SDK1: variants seen among roughly 807,000 people sequenced by gnomAD.
The protein encoded by SDK1 is protein sidekick-1.
Under a neutral mutation model 245.5 loss-of-function variants are expected in SDK1, and 157 were observed. That is an observed-to-expected ratio of 0.64 (90% CI 0.56 to 0.73). SDK1 has a LOEUF of 0.73. Among genes scored for constraint, SDK1 ranks in the 30% least tolerant of loss-of-function variants. The pLI, the probability that SDK1 is intolerant of heterozygous loss-of-function variation, is 0.00. For missense variants in SDK1, 3,583 were observed against 3,002.3 expected (o/e 1.19, Z -4.52); for synonymous variants, 1,647 against 1,278.5 (o/e 1.29, Z -6.15).
rs1562415871 is a variant in SDK1, at chr7:4,194,347, G to GTATGCACGTATGTGTATACATGTATAC, written c.5099-11532_5099-11531insTATGCACGTATGTGTATACATGTATAC. ...ATGCACGTATGTGTATACATGTATA[G>GTATGCACGTATGTGTATACATGTATAC]ATATATGTATGCACGTATGTGTATA... On this transcript the variant is annotated intron_variant, in intron 35 of 44. Transcript: ENST00000404826. Among the ~76,000 whole-genome samples the GTATGCACGTATGTGTATACATGTATAC allele has an allele frequency of 5.0e-3, 526 of 105,176 alleles. 84 individuals carry two copies. The highest frequency in any genetic ancestry group is 0.022 in the African/African-American group (483 of 22,218). The allele number at this position is 105,176 out of a possible 152,430, so 69.0% of individuals were successfully genotyped here.
chr7:3,301,568 G>C lies in SDK1; in HGVS notation c.-19G>C. 1.1e-6 allele frequency: 1 copy of C among 919,900 alleles called. No individual in the cohort carries two copies. Among genetic ancestry groups the C allele is most frequent in the Non-Finnish European group, 1.3e-6 (1 of 774,016 alleles). The allele number at this position is 919,900 out of a possible 1,614,324, so 57.0% of individuals were successfully genotyped here. On this transcript the variant is annotated 5_prime_UTR_variant, in exon 1 of 45. Transcript: ENST00000404826. ...CGCCCGTCCGTCCGGCGCGGCGCTC[G>C]GGGTGGCGGCTGCTCGGCATGGCCC...
At chr7:3,373,933 ATAAAACTT>A (rs1781290646) in intron 1 of SDK1, among the ~76,000 whole-genome samples, 1 of 152,242 alleles carries the variant, frequency 6.6e-6, no homozygotes, top group South Asian at 2.1e-4. Context: ...GAAGAAAACC[ATAAAACTT>A]TAAAGAGGAT....
chr7:3,687,499 G>A (rs779729325), intron 4 of SDK1, among the ~76,000 whole-genome samples: 1 of 152,258 alleles, frequency 6.6e-6, no homozygotes, highest in African/African-American at 2.4e-5. Context: ...AACAGATATC[G>A]AACCGCAGTC....
intron 5 of SDK1, among the ~76,000 whole-genome samples, chr7:3,944,919 A>G (rs1780514809): frequency 6.6e-6 from 1 of 152,202 alleles, no homozygotes; most frequent in Admixed American, 6.5e-5. Flanking sequence ...GGGGCTGGTT[A>G]TGACAGAGAG....
intron 1 of SDK1, among the ~76,000 whole-genome samples, chr7:3,319,867 C>T (rs180959861): frequency 1.6e-3 from 121 of 74,716 alleles, no homozygotes; most frequent in African/African-American, 6.9e-3. Context: ...TATATCTAAC[C>T]CATTCTTAGT....
rs183586655 is a variant in SDK1 at position 3,556,417 on chromosome 7, G to A, written c.299-62663G>A. 1.1e-3 allele frequency among the ~76,000 whole-genome samples: 168 copies of A among 152,136 alleles called. 2 individuals carry two copies. The highest frequency in any genetic ancestry group is 4.0e-3 in the African/African-American group (164 of 41,512). ...CCTGAGGCTGGAAAAGGTTGGTGGG[G>A]GTGCAGCAAGTAGGGATGGTTAATG... On this transcript the variant is annotated intron_variant, in intron 1 of 44. Transcript: ENST00000404826.
At chr7:4,094,391 G>T (rs566307985) in intron 22 of SDK1, among the ~76,000 whole-genome samples, 1 of 152,312 alleles carries the variant, frequency 6.6e-6, no homozygotes, top group East Asian at 1.9e-4. Flanking sequence ...CAAATGGATT[G>T]CCCTGGAATT....
chr7:3,655,113 T>G (rs746656349), intron 4 of SDK1, among the ~76,000 whole-genome samples: 1 of 149,180 alleles, frequency 6.7e-6, no homozygotes. Flanking sequence ...ATGATCACAA[T>G]CAAGAGGCAT....
At chr7:3,356,388 C>T (rs929178700) in intron 1 of SDK1, among the ~76,000 whole-genome samples, 4 of 152,072 alleles carry the variant, frequency 2.6e-5, no homozygotes, top group East Asian at 1.9e-4. Flanking sequence ...CGGAAGCCCT[C>T]GTGTTTGTTA....
At chr7:4,050,077 C>G (rs1434146533) in intron 18 of SDK1, among the ~76,000 whole-genome samples, 1 of 152,186 alleles carries the variant, frequency 6.6e-6, no homozygotes, top group Admixed American at 6.5e-5. Flanking sequence ...ATCAGCTTCT[C>G]CTGATTGGAT....
intron 4 of SDK1, among the ~76,000 whole-genome samples, chr7:3,704,894 T>A (rs965322910): frequency 4.6e-5 from 7 of 152,206 alleles, no homozygotes; most frequent in Non-Finnish European, 7.4e-5. Flanking sequence ...TCAGTTTCAT[T>A]CTTCTACATG....
intron 4 of SDK1, among the ~76,000 whole-genome samples, chr7:3,763,212 T>C (rs1780158118): frequency 6.6e-6 from 1 of 152,212 alleles, no homozygotes; most frequent in Admixed American, 6.5e-5. Context: ...CAAATAAGCA[T>C]AGTCTTATTT....
intron 28 of SDK1, among the ~76,000 whole-genome samples, chr7:4,143,967 G>A (rs543101565): frequency 6.0e-4 from 92 of 152,270 alleles, no homozygotes; most frequent in African/African-American, 2.1e-3. Context: ...TCTCCTCACC[G>A]TCAGAGTGCG....
intron 4 of SDK1, among the ~76,000 whole-genome samples, chr7:3,711,378 A>C (rs1187077198): frequency 1.3e-5 from 2 of 152,184 alleles, no homozygotes; most frequent in African/African-American, 4.8e-5. Flanking sequence ...TGACCTCGTA[A>C]AATTTACCTG....
At chr7:4,251,785 T>C (rs1787316331) in intron 44 of SDK1, among the ~76,000 whole-genome samples, 1 of 152,256 alleles carries the variant, frequency 6.6e-6, no homozygotes, top group African/African-American at 2.4e-5. Flanking sequence ...TTAAGGCTAG[T>C]GGTCTCAGAC....
At chr7:3,838,301 G>A (rs1780072479) in intron 5 of SDK1, among the ~76,000 whole-genome samples, 1 of 152,238 alleles carries the variant, frequency 6.6e-6, no homozygotes, top group Non-Finnish European at 1.5e-5. Flanking sequence ...TGACTAAAGC[G>A]AAAGTACCTG....
chr7:3,853,079 A>T (rs1780458380), intron 5 of SDK1, among the ~76,000 whole-genome samples: 1 of 152,120 alleles, frequency 6.6e-6, no homozygotes, highest in Non-Finnish European at 1.5e-5. Context: ...CACGTGGGAA[A>T]AGTTAGTTCT....
At chr7:3,579,597 C>T (rs1421618173) in intron 1 of SDK1, among the ~76,000 whole-genome samples, 1 of 152,138 alleles carries the variant, frequency 6.6e-6, no homozygotes, top group Non-Finnish European at 1.5e-5. Context: ...GGAAGCATTC[C>T]CTTTGAAAAC....
chr7:4,214,653 A>G (rs1784688561), intron 38 of SDK1, among the ~76,000 whole-genome samples: 1 of 151,666 alleles, frequency 6.6e-6, no homozygotes, highest in Admixed American at 6.5e-5. Flanking sequence ...CAGACCCCCC[A>G]CGTTTGGGCT....
Sources: gnomAD v4.1 joint callset for allele counts (sites outside exome capture counted in the v4.1 genomes callset) on GRCh38, gnomAD v4.1.1 for gene constraint, MANE v1.5 for transcripts, NCBI Gene and HGNC (gene_info 2026-07-23, HGNC 2026-07-21) for gene names.